LRP1B: variants seen among roughly 807,000 people sequenced by gnomAD.
The protein encoded by LRP1B is LDL receptor related protein 1B.
In LRP1B, 217 loss-of-function variants were observed where a neutral mutation model predicts 556.6. The observed-to-expected ratio is 0.39, with a 90% CI of 0.35 to 0.44. The LOEUF is 0.44. Among genes scored for constraint, LRP1B ranks in the 20% least tolerant of loss-of-function variants. The pLI is 1.00. For synonymous variants in LRP1B, 2,047 were observed against 1,865.8 expected (o/e 1.10, Z -2.50); for missense variants, 5,053 against 5,620.8 (o/e 0.90, Z 3.23).
chr2:140,916,838 T>C (rs995678573), intron 21 of LRP1B, among the ~76,000 whole-genome samples: 9 of 150,692 alleles, frequency 6.0e-5, no homozygotes, highest in East Asian at 2.0e-4. Context: ...AGAAAGAATA[T>C]ACTTTTATTT....
chr2:141,228,658 G>A (rs1683347371), intron 6 of LRP1B, among the ~76,000 whole-genome samples: 1 of 151,652 alleles, frequency 6.6e-6, no homozygotes. Flanking sequence ...AGGAAGAGAA[G>A]GACAGTCTGT....
chr2:141,104,454 G>C (rs987995537), intron 7 of LRP1B, among the ~76,000 whole-genome samples: 4 of 151,954 alleles, frequency 2.6e-5, no homozygotes, highest in Admixed American at 2.6e-4. Context: ...AGATGACCTA[G>C]CTCTGTCATT....
At chr2:141,193,765 A>C (rs150441099) in intron 6 of LRP1B, among the ~76,000 whole-genome samples, 2 of 151,918 alleles carry the variant, frequency 1.3e-5, no homozygotes, top group African/African-American at 4.8e-5. Context: ...GAGAAAGTCA[A>C]ATCTTGCTTA....
chr2:141,566,196 C>T (rs1686326021), intron 2 of LRP1B, among the ~76,000 whole-genome samples: 1 of 151,386 alleles, frequency 6.6e-6, no homozygotes, highest in Admixed American at 6.6e-5. Flanking sequence ...GTGATCCCTC[C>T]AATATCCTCC....
intron 7 of LRP1B, among the ~76,000 whole-genome samples, chr2:141,122,433 G>C (rs199834789): frequency 0.04 from 5,979 of 150,580 alleles, 165 homozygotes; most frequent in African/African-American, 0.079. Context: ...TCAAAAAGTG[G>C]GCAAAGGATA....
At chr2:140,334,093 C>G (rs1259028268) in intron 79 of LRP1B, among the ~76,000 whole-genome samples, 1 of 151,868 alleles carries the variant, frequency 6.6e-6, no homozygotes, top group Non-Finnish European at 1.5e-5. Context: ...CATTTCATCT[C>G]TCATTCTCTA....
chr2:141,372,099 T>C (rs1689247646), intron 3 of LRP1B, among the ~76,000 whole-genome samples: 1 of 152,196 alleles, frequency 6.6e-6, no homozygotes, highest in Non-Finnish European at 1.5e-5. Flanking sequence ...CAAATGCTTT[T>C]TCTGCATCTA....
intron 2 of LRP1B, among the ~76,000 whole-genome samples, chr2:141,609,447 C>G (rs1202101660): frequency 2.0e-5 from 3 of 152,146 alleles, no homozygotes; most frequent in Non-Finnish European, 4.4e-5. Context: ...GTCATTCACA[C>G]TAATGTGCAA....
intron 7 of LRP1B, among the ~76,000 whole-genome samples, chr2:141,182,079 A>G (rs1681024797): frequency 1.3e-5 from 2 of 151,978 alleles, no homozygotes; most frequent in African/African-American, 2.4e-5. Context: ...TGGGGCTCTT[A>G]GTAAATTGGT....
chr2:140,287,479 C>T (rs948661111), intron 84 of LRP1B, among the ~76,000 whole-genome samples: 1 of 151,668 alleles, frequency 6.6e-6, no homozygotes, highest in Admixed American at 6.6e-5. Flanking sequence ...TAAGTTGATT[C>T]ATTTCTGTCA....
At chr2:140,886,366 T>G in intron 23 of LRP1B, 31 bp from the exon 24 acceptor site, 1 of 1,254,836 alleles carries the variant, frequency 8.0e-7, no homozygotes, top group Non-Finnish European at 1.1e-6. Context: ...AATAGGCTTA[T>G]GAAAATGTAA....
At chr2:141,329,136 A>G (rs1687537075) in intron 3 of LRP1B, among the ~76,000 whole-genome samples, 1 of 152,102 alleles carries the variant, frequency 6.6e-6, no homozygotes, top group Non-Finnish European at 1.5e-5. Flanking sequence ...GCCTGTAATC[A>G]CAACACTTTG....
Position 140,350,958 on chromosome 2 carries a change from G to T in LRP1B, c.11731C>A (p.His3911Asn), listed in dbSNP as rs778900537. 5.6e-6 allele frequency: 9 copies of T among 1,609,692 alleles called. No homozygotes were observed. ...TGTTCAATATGAGAAATTTGTTGAT[G>T]ATCGCCACTGTAGTTGAATGGATAT... ...FIYPFNYSGD[H>N]QQISHIEHNS... is the part of the protein sequence containing the mutation. Residue 3911 changes from histidine (H) to asparagine (N), a missense_variant, in exon 77 of 91, where the codon CAT (histidine) becomes AAT (asparagine). Physicochemically the swap from His to Asn is moderately conservative, Grantham distance 68. Coordinates refer to ENST00000389484, the MANE Select transcript of LRP1B (RefSeq NM_018557.3).
Position 141,300,558 on chromosome 2 carries a change from G to A in LRP1B, c.344-45917C>T, listed in dbSNP as rs374355346. ...AGCCTCAATGTTGAAGGTGAGCTTC[G>A]TGGCTGATTATATCATTGGGGTGGT... On this transcript the variant is annotated intron_variant, in intron 3 of 90. Coordinates refer to ENST00000389484, the MANE Select transcript of LRP1B (RefSeq NM_018557.3). Among the ~76,000 whole-genome samples, 13 of 152,284 alleles carry A rather than the reference G, an allele frequency of 8.5e-5. No individual in the cohort carries two copies. The East Asian group carries it at 1.7e-3, about 20-fold the overall frequency.
chr2:140,553,954 G>A (rs950392999), intron 43 of LRP1B, among the ~76,000 whole-genome samples: 20 of 151,946 alleles, frequency 1.3e-4, no homozygotes, highest in African/African-American at 3.4e-4. Flanking sequence ...AGAAGCCGAC[G>A]GGAAAGAGAG....
At chr2:140,310,485 T>C (rs976477523) in intron 83 of LRP1B, among the ~76,000 whole-genome samples, 3 of 149,266 alleles carry the variant, frequency 2.0e-5, no homozygotes, top group African/African-American at 7.3e-5. Context: ...TTACATTACC[T>C]GACTTCAAAT....
intron 3 of LRP1B, among the ~76,000 whole-genome samples, chr2:141,313,866 CTT>C (rs5834819): frequency 6.8e-6 from 1 of 145,990 alleles, no homozygotes; most frequent in South Asian, 2.2e-4. Flanking sequence ...AGATTTCACT[CTT>C]TTTTTTTTTT....
intron 2 of LRP1B, among the ~76,000 whole-genome samples, chr2:141,785,870 T>C (rs2105649924): frequency 6.6e-6 from 1 of 151,832 alleles, no homozygotes; most frequent in East Asian, 1.9e-4. Flanking sequence ...AAAATATGAA[T>C]TCCAAGGAGA....
At chr2:141,614,970 G>C (rs1208262558) in intron 2 of LRP1B, among the ~76,000 whole-genome samples, 2 of 152,212 alleles carry the variant, frequency 1.3e-5, no homozygotes, top group Non-Finnish European at 2.9e-5. Context: ...GTAATGGGTA[G>C]AGGCTGGAAG....
Sources: gnomAD v4.1 joint callset for allele counts (sites outside exome capture counted in the v4.1 genomes callset) on GRCh38, gnomAD v4.1.1 for gene constraint, MANE v1.5 for transcripts, NCBI Gene and HGNC (gene_info 2026-07-23, HGNC 2026-07-21) for gene names.